Variants in TARBP1 observed in about 807,000 individuals in gnomAD.
TARBP1 encodes the protein tRNA (guanosine(18)-2'-O)-methyltransferase TARBP1.
A neutral mutation model predicts 178.6 loss-of-function variants in TARBP1; 144 were observed. That is an observed-to-expected ratio of 0.81 (90% CI 0.70 to 0.93). TARBP1 has a LOEUF of 0.93. TARBP1 is among the 40% of genes least tolerant of loss of function. The pLI is 0.00. For missense variants in TARBP1, 2,067 were observed against 2,011.7 expected, an observed-to-expected ratio of 1.03 and a Z score of -0.53; for synonymous variants, 787 against 781.0, an observed-to-expected ratio of 1.01 and a Z score of -0.13.
At chr1:234,415,259 A>G (rs1240221836) in intron 22 of TARBP1, among the ~76,000 whole-genome samples, 4 of 152,232 alleles carry the variant, frequency 2.6e-5, no homozygotes, top group African/African-American at 9.6e-5. Flanking sequence ...CCAAAGACTC[A>G]GTGGAAGAAT....
Position 234,478,803 on chromosome 1 carries a change from C to T in TARBP1, c.301G>A (p.Gly101Ser). ...CGGACGCACGAGCGCAGGGCCGCGC[C>T]CGCCGCCCTCAGCACGCGCCGGCGG... ...RHRRRVLRAAGAALRSCVRLA... is the reference protein window; with the variant it reads ...RHRRRVLRAASAALRSCVRLA... The change falls in exon 1 of 30, where the codon GGC (glycine) becomes AGC (serine). Residue 101 changes from glycine (G) to serine (S), a missense_variant. Gly to Ser is a moderately conservative substitution (Grantham distance 56, BLOSUM62 0). Coordinates refer to ENST00000040877, the MANE Select transcript of TARBP1 (RefSeq NM_005646.4). 1.8e-6 allele frequency: 2 copies of T among 1,142,004 alleles called. No individual in the cohort carries two copies. Among genetic ancestry groups the T allele is most frequent in the Non-Finnish European group, 2.1e-6 (2 of 933,048 alleles). 70.7% of individuals were successfully genotyped at this position (1,142,004 alleles called of 1,614,324 possible).
chr1:234,477,664 G>C (rs1181557741), intron 1 of TARBP1, among the ~76,000 whole-genome samples: 1 of 152,230 alleles, frequency 6.6e-6, no homozygotes, highest in African/African-American at 2.4e-5. Context: ...GTCGACTTAA[G>C]AAACATGTTT....
At chr1:234,408,860 C>G (rs1196086327) in intron 23 of TARBP1, among the ~76,000 whole-genome samples, 1 of 152,186 alleles carries the variant, frequency 6.6e-6, no homozygotes, top group African/African-American at 2.4e-5. Flanking sequence ...TACTCTTCCT[C>G]TATTGCAATT....
Position 234,418,155 on chromosome 1 carries a change from C to A in TARBP1, c.3634G>T (p.Glu1212Ter). The A allele has an allele frequency of 6.5e-7, 1 of 1,542,550 alleles. No homozygotes were observed. The change falls in exon 22 of 30, where the codon GAA becomes TAA. Residue 1212 changes from glutamate to a stop codon, truncating the protein, a stop_gained. Transcript: ENST00000040877. LOFTEE classifies it high-confidence loss of function. Reference protein sequence around the residue: ...NNQASIKYFIEWIIILILHKF... With the variant: ...NNQASIKYFI The stretch of plus-strand genomic sequence containing the variant: ...TGAAGAATCAATATAATAATCCATT[C>A]TATAAAATATTTTATGGATGCTTGA...
chr1:234,445,232 T>C (rs77709799), intron 12 of TARBP1, among the ~76,000 whole-genome samples: 2,078 of 152,206 alleles, frequency 0.014, 22 homozygotes, highest in Non-Finnish European at 0.02. Flanking sequence ...TGGCTATAAA[T>C]TCCCCTAGGT....
intron 1 of TARBP1, among the ~76,000 whole-genome samples, chr1:234,473,117 G>A (rs1176039802): frequency 6.6e-6 from 1 of 152,178 alleles, no homozygotes; most frequent in African/African-American, 2.4e-5. Context: ...CCAAAAGAAT[G>A]GAGAACACTG....
chr1:234,395,419 G>A (rs1244100130), intron 26 of TARBP1, among the ~76,000 whole-genome samples: 1 of 152,150 alleles, frequency 6.6e-6, no homozygotes, highest in Non-Finnish European at 1.5e-5. Context: ...AGGCAAGAGG[G>A]GCTAAAGAAG....
intron 15 of TARBP1, 57 bp from the exon 16 acceptor site, chr1:234,429,734 T>C (rs1664206011): frequency 3.4e-6 from 5 of 1,452,790 alleles, no homozygotes; most frequent in Non-Finnish European, 4.6e-6. Context: ...TCCACGTCTT[T>C]TGCACGTAGC....
At chr1:234,472,231 A>G (rs1022209717) in intron 2 of TARBP1, among the ~76,000 whole-genome samples, 8 of 145,808 alleles carry the variant, frequency 5.5e-5, no homozygotes, top group African/African-American at 1.5e-4. Flanking sequence ...TGGGAGGCTG[A>G]GGCAGGAGAA....
At chr1:234,427,795 C>G (rs1390234007) in intron 17 of TARBP1, 29 bp from the exon 18 acceptor site, 3 of 1,379,562 alleles carry the variant, frequency 2.2e-6, no homozygotes, top group African/African-American at 1.5e-5. Context: ...GTCATTTTAT[C>G]CTTGATTTAG....
chr1:234,460,877 T>C (rs1667787432), intron 6 of TARBP1, among the ~76,000 whole-genome samples: 1 of 152,248 alleles, frequency 6.6e-6, no homozygotes. Context: ...GAAATGCTGA[T>C]ACGTGCCATA....
intron 12 of TARBP1, among the ~76,000 whole-genome samples, chr1:234,443,396 A>T (rs1665800383): frequency 6.6e-6 from 1 of 152,194 alleles, no homozygotes; most frequent in Non-Finnish European, 1.5e-5. Context: ...TTAGTCAAAA[A>T]GCAATCACAG....
At position 234,429,434 on chromosome 1, in the gene TARBP1, C is replaced by G; in HGVS notation, c.2853G>C (p.Leu951Phe). 6.2e-7 allele frequency: 1 copy of G among 1,612,132 alleles called. No individual in the cohort carries two copies. The highest frequency in any genetic ancestry group is 8.5e-7 in the Non-Finnish European group (1 of 1,179,328). Residue 951 changes from leucine to phenylalanine, a missense_variant, in exon 16 of 30, where the codon TTG (leucine) becomes TTC (phenylalanine). Transcript: ENST00000040877. ...SDQVLPVFHCLKVLVPKLLTS... is the reference protein window; with the variant it reads ...SDQVLPVFHCFKVLVPKLLTS... ...ATCTTACCTTGGGAACCAACACTTTCAAGCAATGGAACACTGGTAAAACTT... is the reference window on the plus strand; with the variant it reads ...ATCTTACCTTGGGAACCAACACTTTGAAGCAATGGAACACTGGTAAAACTT...
Position 234,429,230 on chromosome 1 carries a change from G to T in TARBP1, c.2966C>A (p.Ala989Asp). Reference protein sequence around the residue: ...SLSNTQLIFWANLKAFVQFVF... With the variant: ...SLSNTQLIFWDNLKAFVQFVF... Reference sequence around the variant, plus strand: ...AAACTGAACAAAAGCTTTTAAATTAGCCCAGAATATCAGCTGAGTGTTGCT... The same window carrying T: ...AAACTGAACAAAAGCTTTTAAATTATCCCAGAATATCAGCTGAGTGTTGCT... The change falls in exon 17 of 30, where the codon GCT becomes GAT. Residue 989 changes from alanine to aspartate, a missense_variant. Coordinates refer to ENST00000040877, the MANE Select transcript of TARBP1 (RefSeq NM_005646.4). 1.2e-6 allele frequency: 2 copies of T among 1,610,584 alleles called. No individual in the cohort carries two copies. Among genetic ancestry groups the T allele is most frequent in the Non-Finnish European group, 1.7e-6 (2 of 1,179,214 alleles).
intron 24 of TARBP1, among the ~76,000 whole-genome samples, chr1:234,404,078 A>G (rs1165318780): frequency 6.6e-6 from 1 of 152,256 alleles, no homozygotes; most frequent in African/African-American, 2.4e-5. Flanking sequence ...TGCTTAATAA[A>G]AAATATGACT....
chr1:234,391,650 T>C lies in TARBP1; in HGVS notation c.4793A>G (p.His1598Arg). ...QQGIIRSLNV[H>R]VSGALLIWEY... Reference sequence around the variant, plus strand: ...CCAGATCAGCAGGGCTCCACTCACATGGACATTCAGGGAGCGGATAATGCC... The same window carrying C: ...CCAGATCAGCAGGGCTCCACTCACACGGACATTCAGGGAGCGGATAATGCC... Residue 1598 changes from histidine to arginine, a missense_variant, in exon 30 of 30, where the codon CAT becomes CGT. By Grantham distance (29) the His-to-Arg change is conservative. Coordinates refer to ENST00000040877, the MANE Select transcript of TARBP1 (RefSeq NM_005646.4). 6.2e-7 allele frequency: 1 copy of C among 1,613,760 alleles called. No homozygotes were observed. The highest frequency in any genetic ancestry group is 8.5e-7 in the Non-Finnish European group (1 of 1,180,032).
chr1:234,466,802 G>T (rs2103285416), intron 4 of TARBP1, among the ~76,000 whole-genome samples: 1 of 152,202 alleles, frequency 6.6e-6, no homozygotes, highest in South Asian at 2.1e-4. Context: ...AGCGGAGGTT[G>T]CACTGAGCCG....
chr1:234,426,488 A>G lies in TARBP1; in HGVS notation c.3324-695T>C, dbSNP rs529304776. Among the ~76,000 whole-genome samples, 8 of 152,320 alleles carry G rather than the reference A, an allele frequency of 5.3e-5. No individual in the cohort carries two copies. The East Asian group carries it at 1.2e-3, about 22-fold the overall frequency. ...GCCAGCCAAGAAAAAATAACTAAAA[A>G]CAATGAAAAAAATGTATATCTTTCA... is the stretch of plus-strand genomic sequence containing the variant. On this transcript the variant is annotated intron_variant, in intron 19 of 29. Transcript: ENST00000040877.
intron 28 of TARBP1, 75 bp from the exon 29 acceptor site, chr1:234,392,627 C>T (rs7523423): frequency 0.45 from 619,251 of 1,385,060 alleles, 138,838 homozygotes; most frequent in African/African-American, 0.59. Context: ...AGTTAAAAAA[C>T]GTATTAACCT....
Sources: allele counts gnomAD v4.1 joint callset (sites outside exome capture counted in the v4.1 genomes callset), GRCh38; gene constraint gnomAD v4.1.1; transcripts MANE v1.5; gene names NCBI Gene and HGNC (gene_info 2026-07-23, HGNC 2026-07-21).